The following ADK variants were observed in gnomAD, a reference collection of about 807,000 sequenced individuals.
ADK encodes the protein N6,N6-dimethyladenosine kinase.
A neutral mutation model predicts 44.7 loss-of-function variants in ADK; 24 were observed. The observed-to-expected ratio is 0.54, with a 90% CI of 0.39 to 0.76. The LOEUF (loss-of-function observed/expected upper bound fraction) is 0.76, where lower values mean the gene tolerates loss of function less well. Ranked by LOEUF, ADK falls within the 30% of genes least tolerant of loss-of-function variation. The pLI, the probability that ADK is intolerant of heterozygous loss-of-function variation, is 0.00. For synonymous variants in ADK, 128 were observed against 142.6 expected (o/e 0.90, Z 0.73); for missense variants, 321 against 425.1 (o/e 0.76, Z 2.15).
At chr10:74,645,391 T>C (rs1854018828) in intron 9 of ADK, among the ~76,000 whole-genome samples, 1 of 152,210 alleles carries the variant, frequency 6.6e-6, no homozygotes, top group Non-Finnish European at 1.5e-5. Context: ...ACCTGATGAT[T>C]TTTTAATTAG....
chr10:74,636,545 TATTA>T (rs752488379), intron 9 of ADK, among the ~76,000 whole-genome samples: 2 of 152,218 alleles, frequency 1.3e-5, no homozygotes, highest in East Asian at 3.9e-4. Context: ...GAATAAAATG[TATTA>T]ATTCTACATC....
At chr10:74,673,557 G>T (rs868592627) in intron 10 of ADK, among the ~76,000 whole-genome samples, 2 of 152,334 alleles carry the variant, frequency 1.3e-5, no homozygotes, top group African/African-American at 4.8e-5. Flanking sequence ...ACCAGTGGCA[G>T]CATCTAAGGG....
chr10:74,358,557 T>G (rs1842218495), intron 4 of ADK, among the ~76,000 whole-genome samples: 1 of 152,236 alleles, frequency 6.6e-6, no homozygotes, highest in Admixed American at 6.5e-5. Flanking sequence ...TCTTTATGAA[T>G]GCAGTTTTAT....
intron 6 of ADK, among the ~76,000 whole-genome samples, chr10:74,502,116 A>G (rs1320496074): frequency 1.3e-5 from 2 of 152,170 alleles, no homozygotes; most frequent in Non-Finnish European, 2.9e-5. Context: ...AAGATTAAAT[A>G]CTATATATCA....
intron 3 of ADK, among the ~76,000 whole-genome samples, chr10:74,240,993 T>C (rs890835636): frequency 2.0e-5 from 3 of 152,206 alleles, no homozygotes; most frequent in Non-Finnish European, 4.4e-5. Context: ...TTGTTTTATC[T>C]GGAATGTTTT....
At chr10:74,635,491 G>A (rs1050644684) in intron 9 of ADK, among the ~76,000 whole-genome samples, 2 of 152,082 alleles carry the variant, frequency 1.3e-5, no homozygotes, top group Non-Finnish European at 2.9e-5. Flanking sequence ...CTTTTGATGG[G>A]GATTAGTAAT....
chr10:74,282,352 A>G (rs1038095007), intron 3 of ADK, among the ~76,000 whole-genome samples: 4 of 152,202 alleles, frequency 2.6e-5, no homozygotes, highest in African/African-American at 9.6e-5. Flanking sequence ...ACTGCAGGGC[A>G]TTGTTGTGAA....
rs1472956008 is a variant in ADK at position 74,409,005 on chromosome 10, A to G, written c.555+10426A>G. On this transcript the variant is annotated intron_variant, in intron 6 of 10. Coordinates refer to ENST00000539909, the MANE Select transcript of ADK (RefSeq NM_006721.4). ...GTTGATTTAGTGTCAAAATTCCCTC[A>G]AATATTATTCTAGATTCTATAAAAT... is the stretch of plus-strand genomic sequence containing the variant. Among the ~76,000 whole-genome samples, 5 of 152,182 alleles carry G rather than the reference A, an allele frequency of 3.3e-5. No individual in the cohort carries two copies. The South Asian group carries it at 8.3e-4, about 25-fold the overall frequency.
chr10:74,576,908 G>T (rs1030176241), intron 7 of ADK, among the ~76,000 whole-genome samples: 12 of 152,122 alleles, frequency 7.9e-5, no homozygotes, highest in Non-Finnish European at 1.6e-4. Flanking sequence ...CTACATGGTA[G>T]ATACATTTCT....
chr10:74,541,500 A>G (rs555169985), intron 7 of ADK, among the ~76,000 whole-genome samples: 1 of 152,240 alleles, frequency 6.6e-6, no homozygotes, highest in South Asian at 2.1e-4. Context: ...CTTTATGACC[A>G]TGACAATTTT....
At chr10:74,544,081 C>G (rs978448129) in intron 7 of ADK, among the ~76,000 whole-genome samples, 1 of 152,170 alleles carries the variant, frequency 6.6e-6, no homozygotes, top group African/African-American at 2.4e-5. Flanking sequence ...TTCTTTCCCT[C>G]CCTTCTCCAC....
At chr10:74,288,942 A>T (rs1847296978) in intron 3 of ADK, among the ~76,000 whole-genome samples, 1 of 152,228 alleles carries the variant, frequency 6.6e-6, no homozygotes, top group Non-Finnish European at 1.5e-5. Context: ...AATATTTTAT[A>T]AAACTGTATT....
intron 4 of ADK, among the ~76,000 whole-genome samples, chr10:74,359,506 A>G (rs1323299769): frequency 1.3e-5 from 2 of 152,144 alleles, no homozygotes; most frequent in East Asian, 3.9e-4. Flanking sequence ...CCAGGGATTC[A>G]AGACCAGCCT....
At chr10:74,458,145 T>G (rs866866528) in intron 6 of ADK, among the ~76,000 whole-genome samples, 102 of 50,906 alleles carry the variant, frequency 2.0e-3, no homozygotes, top group Middle Eastern at 0.023. Flanking sequence ...TTTTTTTTTT[T>G]TGGGGGGAGA....
intron 4 of ADK, among the ~76,000 whole-genome samples, chr10:74,373,592 A>G (rs1842734727): frequency 6.6e-6 from 1 of 152,216 alleles, no homozygotes. Flanking sequence ...GCTATCAGGT[A>G]TATTAAAGTC....
At chr10:74,418,539 A>C (rs1051167760) in intron 6 of ADK, among the ~76,000 whole-genome samples, 3 of 152,218 alleles carry the variant, frequency 2.0e-5, no homozygotes, top group Non-Finnish European at 4.4e-5. Context: ...CAAAGCAAGC[A>C]ATAACAAGAA....
chr10:74,645,701 G>A (rs1854030341), intron 9 of ADK, among the ~76,000 whole-genome samples: 1 of 152,136 alleles, frequency 6.6e-6, no homozygotes, highest in South Asian at 2.1e-4. Context: ...TGAGATAAAA[G>A]CTTCAGTAAG....
Position 74,708,495 on chromosome 10 carries a change from C to T in ADK, c.*50C>T, listed in dbSNP as rs1370106714. On this transcript the variant is annotated 3_prime_UTR_variant, in exon 11 of 11. Transcript: ENST00000539909. The stretch of plus-strand genomic sequence containing the variant: ...AGGAGTGCAGACACTGCCCTAATTG[C>T]TTCCTGAGAATTCCCATATTAATAA... 6.3e-7 allele frequency: 1 copy of T among 1,596,036 alleles called. No individual in the cohort carries two copies. Among genetic ancestry groups the T allele is most frequent in the Admixed American group, 1.7e-5 (1 of 59,418 alleles).
chr10:74,220,918 G>A (rs1278117129), intron 2 of ADK, among the ~76,000 whole-genome samples: 2 of 151,804 alleles, frequency 1.3e-5, no homozygotes, highest in African/African-American at 4.9e-5. Context: ...GTATCATACT[G>A]AATGGGCAAA....
Sources: allele counts gnomAD v4.1 joint callset (sites outside exome capture counted in the v4.1 genomes callset), GRCh38; gene constraint gnomAD v4.1.1; transcripts MANE v1.5; gene names NCBI Gene and HGNC (gene_info 2026-07-23, HGNC 2026-07-21).